Variants in PTPRD observed in about 807,000 individuals in gnomAD.
PTPRD encodes the protein protein tyrosine phosphatase receptor type D, also known as receptor-type tyrosine-protein phosphatase delta.
PTPRD carries 34 observed loss-of-function variants against 214.5 expected under a neutral mutation model. That is an observed-to-expected ratio of 0.16 (90% CI 0.12 to 0.21). The LOEUF is 0.21. Among genes scored for constraint, PTPRD ranks in the 10% least tolerant of loss-of-function variants. The pLI, the probability that PTPRD is intolerant of heterozygous loss-of-function variation, is 1.00. For missense variants in PTPRD, 2,545 were observed against 2,398.7 expected, an observed-to-expected ratio of 1.06 and a Z score of -1.27; for synonymous variants, 1,128 against 845.7, an observed-to-expected ratio of 1.33 and a Z score of -5.79.
intron 11 of PTPRD, among the ~76,000 whole-genome samples, chr9:8,738,789 C>CAAAAAA (rs1565690725): frequency 6.6e-6 from 1 of 151,518 alleles, no homozygotes; most frequent in African/African-American, 2.4e-5. Context: ...AAAACAAAAA[C>CAAAAAA]TACTGCTGTC....
intron 12 of PTPRD, among the ~76,000 whole-genome samples, chr9:8,640,561 C>CAAAAAAAAAAAAAAAAAAAAAAAAA: frequency 9.5e-6 from 1 of 105,472 alleles, no homozygotes; most frequent in Non-Finnish European, 2.1e-5. Context: ...AACAAAAAAA[C>CAAAAAAAAAAAAAAAAAAAAAAAAA]AAAAAAAAAA....
At chr9:8,869,621 G>C (rs1374001045) in intron 11 of PTPRD, among the ~76,000 whole-genome samples, 1 of 151,290 alleles carries the variant, frequency 6.6e-6, no homozygotes, top group East Asian at 1.9e-4. Context: ...TTATTGATTT[G>C]TTTTATTGCT....
At position 8,602,102 on chromosome 9, in the gene PTPRD, A is replaced by G. The variant is rs146708408; in HGVS notation, c.352+31215T>C. 2.7e-3 allele frequency among the ~76,000 whole-genome samples: 416 copies of G among 152,298 alleles called. 2 individuals carry two copies. The highest frequency in any genetic ancestry group is 9.5e-3 in the African/African-American group (397 of 41,576). On this transcript the variant is annotated intron_variant, in intron 14 of 45. Coordinates refer to ENST00000381196, the MANE Select transcript of PTPRD (RefSeq NM_002839.4). ...GATGAAAAGGAGGGAAAAATGGAAC[A>G]TGACAGGAACTCCCTCTGCATATAT... is the stretch of plus-strand genomic sequence containing the variant.
intron 10 of PTPRD, among the ~76,000 whole-genome samples, chr9:9,072,978 G>T (rs894536680): frequency 6.6e-6 from 1 of 151,858 alleles, no homozygotes; most frequent in African/African-American, 2.4e-5. Flanking sequence ...ATTTGAGAGA[G>T]ATTTTCGATT....
chr9:9,522,165 A>AG (rs935810430), intron 8 of PTPRD, among the ~76,000 whole-genome samples: 6 of 151,744 alleles, frequency 4.0e-5, no homozygotes, highest in South Asian at 2.1e-4. Flanking sequence ...CTCAAAAAAA[A>AG]AAAAAAAAAA....
chr9:8,996,507 T>G (rs2099397323), intron 11 of PTPRD, among the ~76,000 whole-genome samples: 1 of 152,076 alleles, frequency 6.6e-6, no homozygotes, highest in African/African-American at 2.4e-5. Context: ...TGAAGGGATC[T>G]GTGGGGTGCC....
At chr9:8,603,230 T>G (rs2094975485) in intron 14 of PTPRD, among the ~76,000 whole-genome samples, 1 of 151,708 alleles carries the variant, frequency 6.6e-6, no homozygotes, top group African/African-American at 2.4e-5. Context: ...AATCATTCAT[T>G]ACTCTTTACA....
Position 10,263,849 on chromosome 9 carries a change from T to C in PTPRD, c.-545+77114A>G, listed in dbSNP as rs1426378169. Among the ~76,000 whole-genome samples the C allele has an allele frequency of 3.9e-5, 6 of 152,080 alleles. No individual in the cohort carries two copies. In the East Asian group the frequency reaches 1.2e-3, roughly 30 times the overall value. The stretch of plus-strand genomic sequence containing the variant: ...CCCTCTTATCACAGGCCTGGAGGCA[T>C]AGGAGGAAAAATGGTTTCGTAGGCC... On this transcript the variant is annotated intron_variant, in intron 3 of 45. Transcript: ENST00000381196.
intron 5 of PTPRD, among the ~76,000 whole-genome samples, chr9:9,899,394 A>G (rs1209313595): frequency 6.6e-6 from 1 of 152,142 alleles, no homozygotes; most frequent in African/African-American, 2.4e-5. Flanking sequence ...TGGGCAAAGA[A>G]TGTGAATCGA....
chr9:9,031,280 T>TAGC (rs34149727), intron 10 of PTPRD, among the ~76,000 whole-genome samples: 1 of 70,702 alleles, frequency 1.4e-5, no homozygotes, highest in African/African-American at 4.4e-5. Context: ...TTAATGAATA[T>TAGC]AGTCATGTGT....
rs534269927 is a variant in PTPRD at position 8,807,756 on chromosome 9, C to T, written c.-103-73810G>A. ...AACTTGATCTTACTAACAGTTCCAA[C>T]GAGTGTGGTCTGCTCCTTTCCTGAA... On this transcript the variant is annotated intron_variant, in intron 11 of 45. Coordinates refer to ENST00000381196, the MANE Select transcript of PTPRD (RefSeq NM_002839.4). Among the ~76,000 whole-genome samples, 96 of 152,254 alleles carry T rather than the reference C, an allele frequency of 6.3e-4. 4 individuals are homozygous for T. In the South Asian group the frequency reaches 0.015, roughly 24 times the overall value.
chr9:9,196,142 T>C (rs982784235), intron 9 of PTPRD, among the ~76,000 whole-genome samples: 2 of 152,160 alleles, frequency 1.3e-5, no homozygotes, highest in African/African-American at 4.8e-5. Context: ...AAGAGAATTA[T>C]CTGCCCATAA....
intron 14 of PTPRD, among the ~76,000 whole-genome samples, chr9:8,626,539 T>C (rs1169129310): frequency 1.3e-5 from 2 of 151,874 alleles, no homozygotes; most frequent in Non-Finnish European, 2.9e-5. Flanking sequence ...AAATGTTATC[T>C]TGAGCATTAC....
intron 2 of PTPRD, among the ~76,000 whole-genome samples, chr9:10,535,427 C>T (rs967072658): frequency 1.3e-5 from 2 of 152,036 alleles, no homozygotes; most frequent in African/African-American, 2.4e-5. Flanking sequence ...TACTTACCGT[C>T]GTGAGCTGTT....
At chr9:8,973,950 C>T (rs2099253802) in intron 11 of PTPRD, among the ~76,000 whole-genome samples, 1 of 151,870 alleles carries the variant, frequency 6.6e-6, no homozygotes, top group African/African-American at 2.4e-5. Flanking sequence ...CTTATAGATT[C>T]TAGACATTAG....
intron 11 of PTPRD, among the ~76,000 whole-genome samples, chr9:8,758,818 C>T (rs527397471): frequency 3.3e-5 from 5 of 150,584 alleles, no homozygotes; most frequent in East Asian, 2.0e-4. Context: ...AGTGCAATGG[C>T]GCGATGACAG....
chr9:8,704,830 G>T (rs1486668666), intron 12 of PTPRD, among the ~76,000 whole-genome samples: 1 of 151,964 alleles, frequency 6.6e-6, no homozygotes, highest in Non-Finnish European at 1.5e-5. Context: ...CGCTGAGGCA[G>T]GAGAATCATG....
At chr9:9,822,876 G>A (rs1352297862) in intron 5 of PTPRD, among the ~76,000 whole-genome samples, 1 of 152,098 alleles carries the variant, frequency 6.6e-6, no homozygotes, top group Non-Finnish European at 1.5e-5. Context: ...GGGAATGTAA[G>A]TCAACGCAGT....
At chr9:9,922,321 T>A (rs1365185518) in intron 5 of PTPRD, among the ~76,000 whole-genome samples, 2 of 152,190 alleles carry the variant, frequency 1.3e-5, no homozygotes, top group Non-Finnish European at 2.9e-5. Flanking sequence ...ATTCTGTGAA[T>A]AAATTAAACC....
Sources: gnomAD v4.1 joint callset for allele counts (sites outside exome capture counted in the v4.1 genomes callset) on GRCh38, gnomAD v4.1.1 for gene constraint, MANE v1.5 for transcripts, NCBI Gene and HGNC (gene_info 2026-07-23, HGNC 2026-07-21) for gene names.